The following C3 variants were observed in gnomAD, a reference collection of about 807,000 sequenced individuals.
C3 encodes complement C3, also known as C3 and PZP-like alpha-2-macroglobulin domain-containing protein 1.
Under a neutral mutation model 207.9 loss-of-function variants are expected in C3, and 97 were observed. The observed-to-expected ratio is 0.47, with a 90% CI of 0.40 to 0.55. The LOEUF (loss-of-function observed/expected upper bound fraction) is 0.55. Ranked by LOEUF, C3 falls within the 20% of genes least tolerant of loss-of-function variation. The probability of loss-of-function intolerance (pLI) is 0.00; values close to 1 mark genes in which losing one functional copy is unlikely to be tolerated. For missense variants in C3, 1,684 were observed against 2,171.7 expected (o/e 0.78, Z 4.46); for synonymous variants, 848 against 857.6 (o/e 0.99, Z 0.20).
intron 2 of C3, 81 bp from the exon 3 acceptor site, chr19:6,718,493 C>G: frequency 6.6e-7 from 1 of 1,520,524 alleles, no homozygotes; most frequent in Admixed American, 1.7e-5. Context: ...TGGGCTGGGT[C>G]CCTCCTTGCC....
chr19:6,689,324 C>T lies in C3; in HGVS notation c.3489+1305G>A, dbSNP rs896472634. On this transcript the variant is annotated intron_variant, in intron 27 of 40. Coordinates refer to ENST00000245907, the MANE Select transcript of C3 (RefSeq NM_000064.4). ...CTCTCTCTCTCTCTCTCTCTCTCTA[C>T]CTACCTCCCTCCCTCCCTCCCTCCC... Among the ~76,000 whole-genome samples the T allele has an allele frequency of 2.1e-3, 109 of 50,862 alleles. 3 individuals are homozygous for T. Among genetic ancestry groups the T allele is most frequent in the African/African-American group, 6.7e-3 (63 of 9,410 alleles). The allele number at this position is 50,862 out of a possible 152,430, so 33.4% of individuals were successfully genotyped here.
intron 2 of C3, 54 bp from the exon 3 acceptor site, chr19:6,718,466 G>A: frequency 6.2e-7 from 1 of 1,600,856 alleles, no homozygotes. Context: ...CATGCCCACG[G>A]TCCAGCTTCC....
Position 6,684,584 on chromosome 19 carries a change from T to A in C3, c.4096A>T (p.Thr1366Ser), listed in dbSNP as rs1323054414. The change falls in exon 32 of 41, where the codon ACC becomes TCC. Residue 1366 changes from threonine to serine, a missense_variant. Transcript: ENST00000245907. ...LTCNKFDLKVTIKPAPETEKR... is the reference protein window; with the variant it reads ...LTCNKFDLKVSIKPAPETEKR... ...CCTGTTTCCGGTGCTGGTTTTATGG[T>A]GACCTTGAGGTCGAATTTATTACAG... is the stretch of plus-strand genomic sequence containing the variant. 6.2e-7 allele frequency: 1 copy of A among 1,614,090 alleles called. No homozygotes were observed. Among genetic ancestry groups the A allele is most frequent in the Non-Finnish European group, 8.5e-7 (1 of 1,179,916 alleles).
intron 4 of C3, 126 bp downstream of exon 4, chr19:6,717,966 CAT>C (rs200648927): frequency 1.2e-6 from 1 of 867,680 alleles, no homozygotes; most frequent in East Asian, 2.4e-5. Context: ...TGTGTGTCTG[CAT>C]ATCTCTTTGC....
chr19:6,682,710 G>A (rs1917896125), intron 33 of C3: 1 of 197,952 alleles, frequency 5.1e-6, no homozygotes, highest in Admixed American at 5.3e-5. Context: ...CATAATTGAG[G>A]GCCAATTACT....
rs1461335751 is a variant in C3, at chr19:6,686,304, C to T, written c.3647-17G>A. 4 of 1,613,362 alleles carry T rather than the reference C, an allele frequency of 2.5e-6. No homozygotes were observed. In the African/African-American group the frequency reaches 4.0e-5, roughly 16 times the overall value. On this transcript the variant is annotated splice_polypyrimidine_tract_variant and intron_variant, in intron 28 of 40. Coordinates refer to ENST00000245907, the MANE Select transcript of C3 (RefSeq NM_000064.4). ...GGTTCTTATCTGCAAAGAAGATACC[C>T]CATCCCCAGTGCTCACTGCTCTGTC...
chr19:6,678,109 G>T (rs371253947), intron 40 of C3, 43 bp downstream of exon 40: 17 of 1,614,082 alleles, frequency 1.1e-5, no homozygotes, highest in Admixed American at 1.0e-4. Context: ...GGCATGGGCG[G>T]GGCAGTCGGG....
intron 19 of C3, among the ~76,000 whole-genome samples, chr19:6,699,243 C>CTTTT (rs58493671): frequency 2.3e-5 from 3 of 131,262 alleles, no homozygotes; most frequent in Non-Finnish European, 3.3e-5. Context: ...CTTTTCTTTT[C>CTTTT]TTTTTTTTTT....
chr19:6,690,772 C>T (rs377105343), intron 26 of C3, 45 bp from the exon 27 acceptor site: 10 of 1,439,908 alleles, frequency 6.9e-6, no homozygotes, highest in Non-Finnish European at 9.8e-6. Context: ...CCGGTGTGTC[C>T]ACACATGGCA....
At chr19:6,705,260 C>G (rs1273830267) in intron 17 of C3, among the ~76,000 whole-genome samples, 1 of 152,166 alleles carries the variant, frequency 6.6e-6, no homozygotes, top group Non-Finnish European at 1.5e-5. Context: ...CAGTGACCCT[C>G]ACACTATCGC....
In C3 at chr19:6,707,170, G is replaced by A. The variant is rs1967796950; in HGVS notation, c.2151C>T (p.Gly717=). The change falls in exon 17 of 41, where the codon GGC becomes GGT. Residue 717 remains glycine (G), a synonymous_variant. Coordinates refer to ENST00000245907, the MANE Select transcript of C3 (RefSeq NM_000064.4). The part of the protein sequence containing the change: ...CQRRTRFISL[G]EACKKVFLDC... The stretch of plus-strand genomic sequence containing the variant: ...CCAGGAAGACCTTCTTGCACGCCTC[G>A]CCCAGGGAGATGAAACGGGTCCGGC... 7 of 1,613,772 alleles carry A rather than the reference G, an allele frequency of 4.3e-6. No homozygotes were observed. Among genetic ancestry groups the A allele is most frequent in the African/African-American group, 1.3e-5 (1 of 74,988 alleles).
At chr19:6,684,461 A>G in intron 32 of C3, 22 bp from the exon 33 acceptor site, 1 of 1,606,896 alleles carries the variant, frequency 6.2e-7, no homozygotes, top group Admixed American at 1.7e-5. Context: ...GAAGAGAGAA[A>G]GATGGGAGAG....
intron 24 of C3, 96 bp from the exon 25 acceptor site, chr19:6,693,583 G>T: frequency 9.4e-7 from 1 of 1,066,748 alleles, no homozygotes; most frequent in Admixed American, 2.0e-5. Context: ...GGGGACAGGG[G>T]CTCAGGGTGG....
intron 29 of C3, 97 bp downstream of exon 29, chr19:6,686,027 G>A: frequency 1.6e-6 from 2 of 1,257,984 alleles, no homozygotes; most frequent in Non-Finnish European, 2.3e-6. Flanking sequence ...TGGGAATGAA[G>A]AACTGCCTCG....
At chr19:6,701,055 CCCAGACAGGCTGCCT>C (rs1410769382) in intron 19 of C3, among the ~76,000 whole-genome samples, 1 of 151,810 alleles carries the variant, frequency 6.6e-6, no homozygotes, top group Non-Finnish European at 1.5e-5. Flanking sequence ...GAAAAGAAGT[CCCAGACAGGCTGCCT>C]ACTGACAGCG....
At chr19:6,707,759 G>T (rs1306443095) in intron 15 of C3, 41 bp downstream of exon 15, 11 of 1,610,480 alleles carry the variant, frequency 6.8e-6, no homozygotes, top group Non-Finnish European at 9.3e-6. Context: ...GGAGGTGGAG[G>T]TGCTGTCTGT....
At position 6,719,184 on chromosome 19, in the gene C3, C is replaced by A; in HGVS notation, c.267+27G>T. Reference sequence around the variant, plus strand: ...GAGTGGGCGTGGCTGTGGGTGTCAGCCGGGTCCTGCGCCAGTCTGCACTCA... The same window carrying A: ...GAGTGGGCGTGGCTGTGGGTGTCAGACGGGTCCTGCGCCAGTCTGCACTCA... On this transcript the variant is annotated intron_variant, in intron 2 of 40. Coordinates refer to ENST00000245907, the MANE Select transcript of C3 (RefSeq NM_000064.4). This position sits in a 1 kb window ranked among gnomAD's most constrained non-coding sequence, Gnocchi z 5.4. The A allele has an allele frequency of 1.2e-6, 2 of 1,608,920 alleles. No individual in the cohort carries two copies. Among genetic ancestry groups the A allele is most frequent in the African/African-American group, 2.7e-5 (2 of 74,758 alleles).
chr19:6,718,070 C>G, intron 4 of C3, 24 bp downstream of exon 4: 2 of 1,612,758 alleles, frequency 1.2e-6, no homozygotes, highest in Non-Finnish European at 1.7e-6. Flanking sequence ...CCCTGCTTCC[C>G]CTGGGGCCCC....
At chr19:6,709,170 C>T (rs1304632090) in intron 14 of C3, among the ~76,000 whole-genome samples, 5 of 151,652 alleles carry the variant, frequency 3.3e-5, no homozygotes, top group African/African-American at 9.7e-5. Context: ...AATTCTCAGC[C>T]GGGCGCAGTG....
Sources: gnomAD v4.1 joint callset for allele counts (sites outside exome capture counted in the v4.1 genomes callset) on GRCh38, gnomAD v4.1.1 for gene constraint, Gnocchi (gnomAD v3.1) non-coding constraint, MANE v1.5 for transcripts, NCBI Gene and HGNC (gene_info 2026-07-23, HGNC 2026-07-21) for gene names.